NEO1: variants seen among roughly 807,000 people sequenced by gnomAD.
NEO1 encodes the protein neogenin.
NEO1 carries 63 observed loss-of-function variants against 159.7 expected under a neutral mutation model. That is an observed-to-expected ratio of 0.39 (90% CI 0.32 to 0.49). The LOEUF is 0.49. NEO1 is among the 20% of genes least tolerant of loss of function. NEO1 has a pLI of 0.85. For synonymous variants in NEO1, 633 were observed against 662.0 expected, an observed-to-expected ratio of 0.96 and a Z score of 0.67; for missense variants, 1,615 against 1,831.0, an observed-to-expected ratio of 0.88 and a Z score of 2.15.
At chr15:73,077,887 A>G (rs2068852974) in intron 1 of NEO1, among the ~76,000 whole-genome samples, 1 of 152,188 alleles carries the variant, frequency 6.6e-6, no homozygotes, top group Non-Finnish European at 1.5e-5. Context: ...AGAATTTGAT[A>G]GATCTTGAAG....
In NEO1 at chr15:73,265,500, T is replaced by C. The variant is rs755736866; in HGVS notation, c.2399-816T>C. ...AGCTAAGGAAATGAATGAAAGTGCA[T>C]AGGGTGAGAGCGAAGAGTGGGAATA... On this transcript the variant is annotated intron_variant, in intron 15 of 28. Transcript: ENST00000261908. 3.9e-5 allele frequency among the ~76,000 whole-genome samples: 6 copies of C among 152,202 alleles called. 1 individual carries two copies. In the East Asian group the frequency reaches 5.8e-4, roughly 15 times the overall value.
chr15:73,244,541 C>A (rs1165836002), intron 9 of NEO1, 43 bp downstream of exon 9: 19 of 1,593,750 alleles, frequency 1.2e-5, no homozygotes, highest in Admixed American at 5.2e-5. Flanking sequence ...AGAGGTAGAC[C>A]TCTCTGAAGT....
intron 8 of NEO1, among the ~76,000 whole-genome samples, chr15:73,238,713 T>C (rs1840869708): frequency 6.6e-6 from 1 of 151,666 alleles, no homozygotes; most frequent in South Asian, 2.1e-4. Context: ...ATAAAAGATA[T>C]CCCAAGAGAC....
intron 15 of NEO1, among the ~76,000 whole-genome samples, chr15:73,261,017 G>T (rs1010063706): frequency 6.6e-6 from 1 of 152,064 alleles, no homozygotes; most frequent in African/African-American, 2.4e-5. Context: ...CTCTACACGT[G>T]TTAACATCCT....
intron 23 of NEO1, among the ~76,000 whole-genome samples, chr15:73,286,264 G>A (rs1046928573): frequency 1.4e-4 from 22 of 152,196 alleles, no homozygotes; most frequent in African/African-American, 5.3e-4. Flanking sequence ...CCAGCGACCT[G>A]TGTATTGCTA....
intron 2 of NEO1, among the ~76,000 whole-genome samples, chr15:73,120,737 T>C (rs904256954): frequency 1.3e-5 from 2 of 152,012 alleles, no homozygotes; most frequent in Non-Finnish European, 2.9e-5. Flanking sequence ...CAGACACCCA[T>C]GAAGTGGTGG....
Position 73,122,727 on chromosome 15 carries a change from G to A in NEO1, c.651G>A (p.Gly217=). ...GCAATGCAACTGAAGGAGATGGCGG[G>A]CTTTATCGCTGCGTAGTGGAAAGTG... The part of the protein sequence containing the change: ...VISNATEGDG[G]LYRCVVESGG... The change falls in exon 3 of 29, where the codon GGG becomes GGA. Residue 217 remains glycine (G), a synonymous_variant. Coordinates refer to ENST00000261908, the MANE Select transcript of NEO1 (RefSeq NM_002499.4). 10 of 1,614,164 alleles carry A rather than the reference G, an allele frequency of 6.2e-6. 1 individual carries two copies. Among genetic ancestry groups the A allele is most frequent in the South Asian group, 3.3e-5 (3 of 91,078 alleles).
chr15:73,241,196 G>A (rs2039470337), intron 8 of NEO1, among the ~76,000 whole-genome samples: 1 of 152,132 alleles, frequency 6.6e-6, no homozygotes, highest in African/African-American at 2.4e-5. Flanking sequence ...TAAAAAAGCA[G>A]TACTTTTCTA....
chr15:73,195,851 A>G (rs1000499929), intron 7 of NEO1, among the ~76,000 whole-genome samples: 2 of 152,192 alleles, frequency 1.3e-5, no homozygotes, highest in African/African-American at 2.4e-5. Flanking sequence ...AAAAATCTCA[A>G]TTAGGGACTA....
At chr15:73,273,750 T>C in intron 19 of NEO1, 61 bp from the exon 20 acceptor site, 1 of 1,292,874 alleles carries the variant, frequency 7.7e-7, no homozygotes, top group East Asian at 2.3e-5. Flanking sequence ...CTTATTGATT[T>C]ACTGAAGGCA....
chr15:73,195,477 T>A (rs1275460574), intron 7 of NEO1, among the ~76,000 whole-genome samples: 5 of 152,168 alleles, frequency 3.3e-5, no homozygotes, highest in African/African-American at 1.2e-4. Flanking sequence ...TGATGCATGC[T>A]TAAGAGACTA....
chr15:73,191,356 AAGAC>A (rs1383314495), intron 7 of NEO1, among the ~76,000 whole-genome samples: 5 of 151,834 alleles, frequency 3.3e-5, no homozygotes, highest in African/African-American at 7.2e-5. Flanking sequence ...AGAACATAGA[AAGAC>A]AGAGTATCGA....
chr15:73,127,123 C>T (rs530206050), intron 4 of NEO1, among the ~76,000 whole-genome samples: 2 of 151,526 alleles, frequency 1.3e-5, no homozygotes, highest in East Asian at 2.0e-4. Context: ...CCCAGCTACT[C>T]GGGAGGCTGA....
intron 6 of NEO1, among the ~76,000 whole-genome samples, chr15:73,177,678 A>G (rs768575533): frequency 4.3e-4 from 66 of 152,110 alleles, no homozygotes; most frequent in Non-Finnish European, 6.6e-4. Context: ...AGTAGCTGGA[A>G]CTACAGGCAC....
At chr15:73,182,720 G>A (rs1222356920) in intron 7 of NEO1, among the ~76,000 whole-genome samples, 4 of 152,090 alleles carry the variant, frequency 2.6e-5, no homozygotes, top group Non-Finnish European at 4.4e-5. Flanking sequence ...CACAAGAACC[G>A]TATGGGGAGA....
intron 1 of NEO1, among the ~76,000 whole-genome samples, chr15:73,111,960 A>T (rs2071018949): frequency 6.6e-6 from 1 of 152,130 alleles, no homozygotes; most frequent in Non-Finnish European, 1.5e-5. Context: ...AGTGGATTAT[A>T]CATACAAGAT....
At position 73,285,605 on chromosome 15, in the gene NEO1, C is replaced by T. The variant is rs552333070; in HGVS notation, c.3410+2494C>T. Among the ~76,000 whole-genome samples, 4 of 152,262 alleles carry T rather than the reference C, an allele frequency of 2.6e-5. No individual in the cohort carries two copies. In the South Asian group the frequency reaches 8.3e-4, roughly 32 times the overall value. On this transcript the variant is annotated intron_variant, in intron 23 of 28. Transcript: ENST00000261908. ...GCTTTTCTTACTACTTTTCTTCCTA[C>T]TTTTCTTCCTCTGTAATACCTGAGG... is the stretch of plus-strand genomic sequence containing the variant.
chr15:73,274,277 T>C (rs1374512609), intron 20 of NEO1, among the ~76,000 whole-genome samples: 2 of 152,156 alleles, frequency 1.3e-5, no homozygotes, highest in African/African-American at 2.4e-5. Context: ...TCTAAAAGTT[T>C]TTACTGGTCA....
intron 1 of NEO1, among the ~76,000 whole-genome samples, chr15:73,079,185 A>G (rs2068920726): frequency 6.6e-6 from 1 of 152,168 alleles, no homozygotes; most frequent in African/African-American, 2.4e-5. Flanking sequence ...CTTAGCTCCA[A>G]AGAGCAGAGA....
Sources: gnomAD v4.1 joint callset for allele counts (sites outside exome capture counted in the v4.1 genomes callset) on GRCh38, gnomAD v4.1.1 for gene constraint, MANE v1.5 for transcripts, NCBI Gene and HGNC (gene_info 2026-07-23, HGNC 2026-07-21) for gene names.